VPS35L: variants seen among roughly 807,000 people sequenced by gnomAD.
VPS35L encodes the protein VPS35 endosomal protein-sorting factor-like.
A neutral mutation model predicts 133.0 loss-of-function variants in VPS35L; 83 were observed. The observed-to-expected ratio is 0.62, with a 90% confidence interval of 0.52 to 0.75. VPS35L has a LOEUF of 0.75. Ranked by LOEUF, VPS35L falls within the 30% of genes least tolerant of loss-of-function variation. The pLI is 0.00. For synonymous variants in VPS35L, 423 were observed against 449.9 expected, an observed-to-expected ratio of 0.94 and a Z score of 0.76; for missense variants, 1,083 against 1,206.8, an observed-to-expected ratio of 0.90 and a Z score of 1.52.
intron 7 of VPS35L, among the ~76,000 whole-genome samples, chr16:19,590,680 G>A (rs56387422): frequency 0.019 from 2,871 of 152,248 alleles, 93 homozygotes; most frequent in African/African-American, 0.064. Flanking sequence ...CGGGTGCAGT[G>A]GCTCATACCT....
Position 19,700,642 on chromosome 16 carries a change from G to A in VPS35L, c.*166G>A. The A allele has an allele frequency of 1.7e-6, 1 of 599,112 alleles. No homozygotes were observed. The highest frequency in any genetic ancestry group is 4.6e-4 in the Middle Eastern group (1 of 2,172). 37.1% of individuals were successfully genotyped at this position (599,112 alleles called of 1,614,324 possible). A position where few individuals can be genotyped will look rare whatever the true frequency, so the allele number is the denominator to read the frequency against. On this transcript the variant is annotated 3_prime_UTR_variant, in exon 31 of 31. Coordinates refer to ENST00000417362, the MANE Select transcript of VPS35L (RefSeq NM_020314.7). ...CCTCTATCCAGGTTATTCTGACAAT[G>A]AAGAAATGGGAGTTGTCAGAGCATT...
rs761441972 is a variant in VPS35L at position 19,608,182 on chromosome 16, CT to C, written c.793del (p.Ser265LeufsTer14). 3.1e-6 allele frequency: 5 copies of C among 1,612,046 alleles called. No individual in the cohort carries two copies. The highest frequency in any genetic ancestry group is 4.2e-6 in the Non-Finnish European group (5 of 1,178,482). The part of the protein sequence containing the change: ...VDSRSVLPDH[F>X]SPENANDTAK... ...ATCTTGTTTTTTGTATTACAGATCA[CT>C]TTTCTCCAGAGAATGCAAATGACAC... On this transcript the variant is annotated frameshift_variant, in exon 10 of 31. Transcript: ENST00000417362. LOFTEE classifies it high-confidence loss of function.
chr16:19,658,625 A>G (rs968222956), intron 26 of VPS35L, among the ~76,000 whole-genome samples: 3 of 152,162 alleles, frequency 2.0e-5, no homozygotes, highest in African/African-American at 4.8e-5. Flanking sequence ...CTCATGCACT[A>G]TGGACATAAA....
intron 14 of VPS35L, among the ~76,000 whole-genome samples, chr16:19,620,024 G>T (rs1326036420): frequency 6.6e-6 from 1 of 152,140 alleles, no homozygotes; most frequent in Non-Finnish European, 1.5e-5. Flanking sequence ...AGGGAAAGGA[G>T]AAATACCTTT....
intron 9 of VPS35L, among the ~76,000 whole-genome samples, chr16:19,606,888 G>T (rs1419834700): frequency 1.3e-5 from 2 of 152,122 alleles, no homozygotes; most frequent in African/African-American, 4.8e-5. Flanking sequence ...GGGCTCTATT[G>T]ATCCTGCCAC....
chr16:19,681,646 A>C (rs892018798), intron 27 of VPS35L, among the ~76,000 whole-genome samples: 2 of 152,188 alleles, frequency 1.3e-5, no homozygotes, highest in Non-Finnish European at 2.9e-5. Context: ...GCATCTGAGA[A>C]ACACTGTTTG....
In VPS35L at chr16:19,640,004, T is replaced by A; in HGVS notation, c.1699-11T>A. ...TGTCATTTGCATATAGAGTGCTTGCTTTATTTATAGGAAAAATTTCTGCCG... is the reference window on the plus strand; with the variant it reads ...TGTCATTTGCATATAGAGTGCTTGCATTATTTATAGGAAAAATTTCTGCCG... On this transcript the variant is annotated splice_polypyrimidine_tract_variant and intron_variant, in intron 20 of 30. Transcript: ENST00000417362. The A allele has an allele frequency of 6.2e-7, 1 of 1,612,908 alleles. No homozygotes were observed. Among genetic ancestry groups the A allele is most frequent in the Non-Finnish European group, 8.5e-7 (1 of 1,178,908 alleles).
chr16:19,610,334 G>C lies in VPS35L; in HGVS notation c.942G>C (p.Glu314Asp), dbSNP rs371394198. The change falls in exon 12 of 31, where the codon GAG becomes GAC. Residue 314 changes from glutamate (E) to aspartate (D), a missense_variant. Glu to Asp is a conservative substitution (Grantham distance 45). Transcript: ENST00000417362. ...TTGTCTCTTGCAGGGGAATTTCAGA[G>C]TGCCTGCCCCGGTTGACATGCATGA... ...NKFLSKTGIS[E>D]CLPRLTCMIR... 13 of 1,613,954 alleles carry C rather than the reference G, an allele frequency of 8.1e-6. No individual in the cohort carries two copies. The highest frequency in any genetic ancestry group is 1.7e-5 in the Admixed American group (1 of 59,990).
chr16:19,655,893 C>T (rs1470498416), intron 26 of VPS35L, among the ~76,000 whole-genome samples: 1 of 152,206 alleles, frequency 6.6e-6, no homozygotes, highest in African/African-American at 2.4e-5. Flanking sequence ...TTCCAGGCCA[C>T]AGCAAGAGCA....
At chr16:19,626,680 T>C (rs1290500685) in intron 15 of VPS35L, among the ~76,000 whole-genome samples, 1 of 152,078 alleles carries the variant, frequency 6.6e-6, no homozygotes, top group Non-Finnish European at 1.5e-5. Context: ...GAGAATTGCT[T>C]GAACCCGGGA....
chr16:19,601,621 C>T (rs1972386350), intron 8 of VPS35L, 43 bp from the exon 9 acceptor site: 1 of 1,593,382 alleles, frequency 6.3e-7, no homozygotes, highest in East Asian at 2.2e-5. Flanking sequence ...CTGTTTGCTC[C>T]TGAAGAGTGT....
intron 8 of VPS35L, among the ~76,000 whole-genome samples, chr16:19,600,041 G>T (rs1418585602): frequency 2.0e-5 from 3 of 151,958 alleles, no homozygotes; most frequent in Admixed American, 6.6e-5. Context: ...CCCTGTCTAA[G>T]TGAATGAAGG....
At chr16:19,689,960 T>G (rs1283569037) in intron 28 of VPS35L, among the ~76,000 whole-genome samples, 1 of 152,208 alleles carries the variant, frequency 6.6e-6, no homozygotes, top group Admixed American at 6.5e-5. Context: ...TTGCTCATAC[T>G]AGAGTGCAGT....
At chr16:19,607,149 A>G (rs1431335810) in intron 9 of VPS35L, among the ~76,000 whole-genome samples, 1 of 152,200 alleles carries the variant, frequency 6.6e-6, no homozygotes, top group Non-Finnish European at 1.5e-5. Flanking sequence ...ACTGTGAGAA[A>G]TAAATTTCTG....
chr16:19,691,321 G>A, intron 28 of VPS35L, 32 bp from the exon 29 acceptor site: 1 of 1,572,748 alleles, frequency 6.4e-7, no homozygotes. Context: ...GCGGGGCTTG[G>A]GTCTGTCTCA....
In VPS35L at chr16:19,633,851, C is replaced by T. The variant is rs775751315; in HGVS notation, c.1635+679C>T. 9.2e-5 allele frequency among the ~76,000 whole-genome samples: 14 copies of T among 152,036 alleles called. No homozygotes were observed. Among genetic ancestry groups the T allele is most frequent in the African/African-American group, 9.7e-5 (4 of 41,408 alleles). ...CTTCAATTCTTCTGTCTCAGCCTTC[C>T]GAGTAGCTGGGACTACAGGGGCGTG... On this transcript the variant is annotated intron_variant, in intron 19 of 30. Coordinates refer to ENST00000417362, the MANE Select transcript of VPS35L (RefSeq NM_020314.7). This position sits in a 1 kb window ranked among gnomAD's most constrained non-coding sequence, Gnocchi z 4.1.
intron 22 of VPS35L, 23 bp downstream of exon 22, chr16:19,642,499 A>G (rs764178863): frequency 6.3e-7 from 1 of 1,599,032 alleles, no homozygotes; most frequent in East Asian, 2.2e-5. Context: ...TACAGCTGAA[A>G]TATAACATGG....
chr16:19,566,227 G>A (rs975662868), intron 2 of VPS35L, among the ~76,000 whole-genome samples: 4 of 152,164 alleles, frequency 2.6e-5, no homozygotes, highest in African/African-American at 2.4e-5. Context: ...CGGGCTCCAT[G>A]CCTCACACCC....
chr16:19,680,063 T>G (rs986678058), intron 27 of VPS35L, among the ~76,000 whole-genome samples: 5 of 152,132 alleles, frequency 3.3e-5, no homozygotes, highest in African/African-American at 1.2e-4. Context: ...CTGGTACCAG[T>G]AGTTAGAAAT....
Sources: allele counts gnomAD v4.1 joint callset (sites outside exome capture counted in the v4.1 genomes callset), GRCh38; gene constraint gnomAD v4.1.1; non-coding constraint Gnocchi (gnomAD v3.1); transcripts MANE v1.5; gene names NCBI Gene and HGNC (gene_info 2026-07-23, HGNC 2026-07-21).